Variants in FAM111B observed in about 807,000 individuals in gnomAD.
FAM111B encodes FAM111 trypsin like peptidase B, also known as serine protease FAM111B.
FAM111B carries 1 observed loss-of-function variant against 2.8 expected under a neutral mutation model. The ratio of observed to expected loss-of-function variants is 0.36; its 90% confidence interval spans 0.13 to 1.70. The LOEUF is 1.70. Among genes scored for constraint, FAM111B ranks in the 40% most tolerant of loss-of-function variants. FAM111B has a pLI of 0.35. For synonymous variants in FAM111B, 297 were observed against 295.6 expected (o/e 1.00, Z -0.05); for missense variants, 882 against 878.9 (o/e 1.00, Z -0.04).
intron 3 of FAM111B, among the ~76,000 whole-genome samples, chr11:59,115,539 G>C (rs557987317): frequency 5.3e-4 from 81 of 152,342 alleles, no homozygotes; most frequent in African/African-American, 1.9e-3. Flanking sequence ...GCTTATTCTT[G>C]AATACAAGGG....
rs1472821827 is a variant in FAM111B at position 59,126,483 on chromosome 11, A to G, written c.*181A>G. ...CACAACCTACGGAATGGGAGAAAAT[A>G]TTTGCAAACTATGCATACAGCAAAG... On this transcript the variant is annotated 3_prime_UTR_variant, in exon 4 of 4. Transcript: ENST00000343597. 4.1e-6 allele frequency: 2 copies of G among 483,206 alleles called. No homozygotes were observed. Among genetic ancestry groups the G allele is most frequent in the Non-Finnish European group, 7.0e-6 (2 of 283,752 alleles). The allele number at this position is 483,206 out of a possible 1,614,324, so 29.9% of individuals were successfully genotyped here.
chr11:59,115,877 G>A (rs1041935407), intron 3 of FAM111B, among the ~76,000 whole-genome samples: 1 of 152,184 alleles, frequency 6.6e-6, no homozygotes, highest in South Asian at 2.1e-4. Flanking sequence ...TTTCTTTAAG[G>A]TCTTACAGCC....
At chr11:59,117,273 C>T (rs1261781403) in intron 3 of FAM111B, among the ~76,000 whole-genome samples, 1 of 152,232 alleles carries the variant, frequency 6.6e-6, no homozygotes, top group Non-Finnish European at 1.5e-5. Flanking sequence ...TATCCCTAGA[C>T]CCTCCTTCCA....
chr11:59,115,598 C>T (rs561644592), intron 3 of FAM111B, among the ~76,000 whole-genome samples: 1 of 152,286 alleles, frequency 6.6e-6, no homozygotes, highest in South Asian at 2.1e-4. Flanking sequence ...AAGGAGAGGT[C>T]TTTTTGCTGT....
At chr11:59,114,146 A>T (rs1816345594) in intron 3 of FAM111B, among the ~76,000 whole-genome samples, 1 of 152,250 alleles carries the variant, frequency 6.6e-6, no homozygotes, top group African/African-American at 2.4e-5. Context: ...AAGACACCCA[A>T]GGGAAGGCCA....
chr11:59,113,659 C>A (rs1859795645), intron 3 of FAM111B, among the ~76,000 whole-genome samples: 1 of 152,196 alleles, frequency 6.6e-6, no homozygotes, highest in African/African-American at 2.4e-5. Flanking sequence ...CCTCCCCAGA[C>A]AAAAGCTCTG....
In FAM111B at chr11:59,125,261, A is replaced by G. The variant is rs1354200942; in HGVS notation, c.1164A>G (p.Leu388=). 1 of 1,613,960 alleles carries G rather than the reference A, an allele frequency of 6.2e-7. No individual in the cohort carries two copies. The highest frequency in any genetic ancestry group is 2.2e-5 in the East Asian group (1 of 44,878). ...TCCAAAAGGAGGCAATTAATCTCTT[A>G]AAGAATTATCAAACGTTGAATGAAG... ...LDVQKEAINL[L]KNYQTLNEAI... Residue 388 remains leucine, a synonymous_variant, in exon 4 of 4, where the codon TTA becomes TTG. Coordinates refer to ENST00000343597, the MANE Select transcript of FAM111B (RefSeq NM_198947.4).
rs1255157763 is a variant in FAM111B, at chr11:59,124,608, C to T, written c.511C>T (p.His171Tyr). The T allele has an allele frequency of 1.2e-6, 2 of 1,613,802 alleles. No individual in the cohort carries two copies. The highest frequency in any genetic ancestry group is 1.1e-5 in the South Asian group (1 of 91,050). Residue 171 changes from histidine to tyrosine, a missense_variant, in exon 4 of 4, where the codon CAC (histidine) becomes TAC (tyrosine). By Grantham distance (83) the His-to-Tyr change is moderately conservative (BLOSUM62 2). Transcript: ENST00000343597. The stretch of plus-strand genomic sequence containing the variant: ...AAGAAAGAGTAGCAAAGAAGATGGA[C>T]ACATATTACGCCAATGTGAAAATCC... Reference protein sequence around the residue: ...GQRKSSKEDGHILRQCENPNM... With the variant: ...GQRKSSKEDGYILRQCENPNM...
chr11:59,123,712 C>A (rs1859958530), intron 3 of FAM111B, among the ~76,000 whole-genome samples: 1 of 152,050 alleles, frequency 6.6e-6, no homozygotes, highest in Non-Finnish European at 1.5e-5. Flanking sequence ...TGACACATTG[C>A]CTAGTGAAAA....
At position 59,109,600 on chromosome 11, in the gene FAM111B, T is replaced by C. The variant is rs1224056076; in HGVS notation, c.-26T>C. On this transcript the variant is annotated 5_prime_UTR_variant, in exon 3 of 4. Coordinates refer to ENST00000343597, the MANE Select transcript of FAM111B (RefSeq NM_198947.4). ...TCTCCATCTTATCGAGTAGTAGAAG[T>C]TAGTTACATTCTCTTTGAACTCATC... is the stretch of plus-strand genomic sequence containing the variant. 3 of 1,477,342 alleles carry C rather than the reference T, an allele frequency of 2.0e-6. No individual in the cohort carries two copies. The South Asian group carries it at 3.6e-5, about 18-fold the overall frequency. The allele number at this position is 1,477,342 out of a possible 1,614,324, so 91.5% of individuals were successfully genotyped here.
chr11:59,109,420 G>A, intron 2 of FAM111B, 120 bp from the exon 3 acceptor site: 1 of 420,950 alleles, frequency 2.4e-6, no homozygotes, highest in South Asian at 4.1e-5. Flanking sequence ...AAGCTAAATA[G>A]CCATAGGGCT....
rs1275194966 is a variant in FAM111B at position 59,123,093 on chromosome 11, T to C, written c.82-1086T>C. On this transcript the variant is annotated intron_variant, in intron 3 of 3. Transcript: ENST00000343597. ...TACCAACTGATTGTATATGAGTATTTATATTTATTTATATATCCCATCCTA... is the reference window on the plus strand; with the variant it reads ...TACCAACTGATTGTATATGAGTATTCATATTTATTTATATATCCCATCCTA... Among the ~76,000 whole-genome samples the C allele has an allele frequency of 1.3e-5, 2 of 152,194 alleles. 1 individual carries two copies. Among genetic ancestry groups the C allele is most frequent in the Non-Finnish European group, 2.9e-5 (2 of 68,026 alleles).
chr11:59,124,295 C>T lies in FAM111B; in HGVS notation c.198C>T (p.Ala66=), dbSNP rs1200359753. 26 of 1,613,620 alleles carry T rather than the reference C, an allele frequency of 1.6e-5. No individual in the cohort carries two copies. Among genetic ancestry groups the T allele is most frequent in the Non-Finnish European group, 2.2e-5 (26 of 1,179,810 alleles). The part of the protein sequence containing the change: ...LKSEVNKHET[A]LEMQNPNLNN... ...GTGAAGTCAACAAGCATGAAACAGC[C>T]CTTGAAATGCAGAATCCAAATTTGA... is the stretch of plus-strand genomic sequence containing the variant. Residue 66 remains alanine, a synonymous_variant, in exon 4 of 4, where the codon GCC becomes GCT. Coordinates refer to ENST00000343597, the MANE Select transcript of FAM111B (RefSeq NM_198947.4).
chr11:59,121,357 A>T (rs1247953373), intron 3 of FAM111B, among the ~76,000 whole-genome samples: 2 of 152,326 alleles, frequency 1.3e-5, no homozygotes, highest in East Asian at 3.9e-4. Flanking sequence ...GTTCAATTTC[A>T]TTAGTAATTA....
In FAM111B at chr11:59,126,787, C is replaced by A; in HGVS notation, c.*485C>A. 6.3e-6 allele frequency: 1 copy of A among 158,232 alleles called. No homozygotes were observed. The allele number at this position is 158,232 out of a possible 1,614,324, so 9.8% of individuals were successfully genotyped here. A position where few individuals can be genotyped will look rare whatever the true frequency, so the allele number is the denominator to read the frequency against. ...GAGAAAGGGGAATGCTTATACACTG[C>A]TAGTGGGAAAATAAATTAGTTCAGC... On this transcript the variant is annotated 3_prime_UTR_variant, in exon 4 of 4. Coordinates refer to ENST00000343597, the MANE Select transcript of FAM111B (RefSeq NM_198947.4).
rs773845297 is a variant in FAM111B at position 59,125,402 on chromosome 11, A to G, written c.1305A>G (p.Lys435=). 57 of 1,613,988 alleles carry G rather than the reference A, an allele frequency of 3.5e-5. 1 individual carries two copies. The South Asian group carries it at 6.0e-4, about 17-fold the overall frequency. The part of the protein sequence containing the change: ...LSPAKQFNIY[K]KDFGKMTANS... ...CAGCTAAGCAATTCAACATATATAA[A>G]AAGGACTTCGGAAAAATGACTGCAA... The change falls in exon 4 of 4, where the codon AAA becomes AAG. Residue 435 remains lysine (K), a synonymous_variant. Coordinates refer to ENST00000343597, the MANE Select transcript of FAM111B (RefSeq NM_198947.4).
chr11:59,115,945 G>T (rs1395637305), intron 3 of FAM111B, among the ~76,000 whole-genome samples: 1 of 152,174 alleles, frequency 6.6e-6, no homozygotes, highest in Non-Finnish European at 1.5e-5. Flanking sequence ...GTGGAAAAAT[G>T]CATTATTAGT....
intron 3 of FAM111B, among the ~76,000 whole-genome samples, chr11:59,121,763 A>G (rs1859926356): frequency 1.3e-5 from 2 of 152,208 alleles, no homozygotes. Flanking sequence ...CCCAGAAATA[A>G]CAGAAATATT....
At chr11:59,116,136 C>T (rs1859838181) in intron 3 of FAM111B, among the ~76,000 whole-genome samples, 1 of 152,176 alleles carries the variant, frequency 6.6e-6, no homozygotes, top group Admixed American at 6.5e-5. Flanking sequence ...ATAGAAGACT[C>T]CAGAATCTTA....
Sources: gnomAD v4.1 joint callset for allele counts (sites outside exome capture counted in the v4.1 genomes callset) on GRCh38, gnomAD v4.1.1 for gene constraint, MANE v1.5 for transcripts, NCBI Gene and HGNC (gene_info 2026-07-23, HGNC 2026-07-21) for gene names.